The following TMA16 variants were observed in gnomAD, a reference collection of about 807,000 sequenced individuals.
TMA16 encodes translation machinery-associated protein 16.
TMA16 carries 26 observed loss-of-function variants against 27.1 expected under a neutral mutation model. The ratio of observed to expected loss-of-function variants is 0.96; its 90% confidence interval spans 0.70 to 1.33. The LOEUF (loss-of-function observed/expected upper bound fraction) is 1.33. Among genes scored for constraint, TMA16 ranks in the 40% most tolerant of loss-of-function variants. The probability of loss-of-function intolerance (pLI) is 0.00; values close to 1 mark genes in which losing one functional copy is unlikely to be tolerated. For synonymous variants in TMA16, 71 were observed against 81.9 expected (o/e 0.87, Z 0.72); for missense variants, 233 against 241.4 (o/e 0.97, Z 0.23).
chr4:163,512,657 A>C (rs1445292470), intron 2 of TMA16, 165 bp from the exon 3 acceptor site: 2 of 513,852 alleles, frequency 3.9e-6, no homozygotes, highest in Non-Finnish European at 7.1e-6. Flanking sequence ...TCAAAAGAGA[A>C]GCATAGTATT....
chr4:163,495,967 T>C (rs1368382002), intron 1 of TMA16, among the ~76,000 whole-genome samples: 1 of 152,222 alleles, frequency 6.6e-6, no homozygotes, highest in African/African-American at 2.4e-5. Context: ...TTACATCTCA[T>C]TGTGTTTGAG....
In TMA16 at chr4:163,519,671, T is replaced by C. The variant is rs1737940417; in HGVS notation, c.*157T>C. On this transcript the variant is annotated 3_prime_UTR_variant, in exon 7 of 7. Coordinates refer to ENST00000358572, the MANE Select transcript of TMA16 (RefSeq NM_018352.3). The stretch of plus-strand genomic sequence containing the variant: ...TTCAAAAATGGTGTTATGATACTTA[T>C]TTTAAAATGAAGATTGCTTTTCATT... The C allele has an allele frequency of 1.4e-5, 10 of 719,392 alleles. No individual in the cohort carries two copies. Among genetic ancestry groups the C allele is most frequent in the Middle Eastern group, 7.2e-4 (2 of 2,764 alleles). 44.6% of individuals were successfully genotyped at this position (719,392 alleles called of 1,614,324 possible).
At chr4:163,499,722 TTTA>T (rs1301012951) in intron 1 of TMA16, among the ~76,000 whole-genome samples, 2 of 151,738 alleles carry the variant, frequency 1.3e-5, no homozygotes, top group East Asian at 3.8e-4. Context: ...TTTTTAAATT[TTTA>T]TTATTTTTAT....
In TMA16 at chr4:163,506,591, T is replaced by G. The variant is rs1271737272; in HGVS notation, c.4-442T>G. 2.0e-5 allele frequency among the ~76,000 whole-genome samples: 3 copies of G among 152,194 alleles called. No individual in the cohort carries two copies. In the South Asian group the frequency reaches 6.2e-4, roughly 32 times the overall value. On this transcript the variant is annotated intron_variant, in intron 1 of 6. Transcript: ENST00000358572. The stretch of plus-strand genomic sequence containing the variant: ...TACAGGCAATGAGCCCAGCTTTGAT[T>G]TTGCATGATTCATTGCCCGCTTTGT...
intron 1 of TMA16, among the ~76,000 whole-genome samples, chr4:163,506,523 T>G (rs1024331494): frequency 9.2e-5 from 14 of 152,210 alleles, no homozygotes; most frequent in African/African-American, 2.4e-4. Context: ...TTGGATATAC[T>G]AATTTTGAGA....
In TMA16 at chr4:163,515,469, C is replaced by T. The variant is rs145590147; in HGVS notation, c.388+8C>T. ...TTGAGGGATATGGCCTTGGTGTGCTCACTGATTTTTTATTTTCCTTTTATA... is the reference window on the plus strand; with the variant it reads ...TTGAGGGATATGGCCTTGGTGTGCTTACTGATTTTTTATTTTCCTTTTATA... On this transcript the variant is annotated splice_region_variant and intron_variant, in intron 5 of 6. Transcript: ENST00000358572. 8.2e-4 allele frequency: 1,314 copies of T among 1,602,690 alleles called. 3 individuals are homozygous for T. In the African/African-American group the frequency reaches 0.015, roughly 18 times the overall value.
At chr4:163,519,164 T>C (rs1434349819) in intron 6 of TMA16, among the ~76,000 whole-genome samples, 170 bp from the exon 7 acceptor site, 2 of 152,156 alleles carry the variant, frequency 1.3e-5, no homozygotes, top group Non-Finnish European at 2.9e-5. Context: ...TTAGAGAGGA[T>C]GAAAGAATAG....
At chr4:163,506,446 G>A (rs1737719397) in intron 1 of TMA16, among the ~76,000 whole-genome samples, 1 of 152,176 alleles carries the variant, frequency 6.6e-6, no homozygotes, top group Non-Finnish European at 1.5e-5. Flanking sequence ...TAGTTTGGAG[G>A]ACCTAATGAA....
intron 1 of TMA16, among the ~76,000 whole-genome samples, chr4:163,503,831 T>C (rs1384573693): frequency 6.6e-6 from 1 of 152,214 alleles, no homozygotes; most frequent in Non-Finnish European, 1.5e-5. Context: ...ATATGAAAGT[T>C]TTAAAATATA....
In TMA16 at chr4:163,515,612, G is replaced by T. The variant is rs920007316; in HGVS notation, c.388+151G>T. ...TTTGTGAGGGTTTAGAAAAATTTTG[G>T]ATTCTTTTTTTTTCCCCTACATTCC... On this transcript the variant is annotated intron_variant, in intron 5 of 6. Coordinates refer to ENST00000358572, the MANE Select transcript of TMA16 (RefSeq NM_018352.3). The T allele has an allele frequency of 6.0e-6, 6 of 1,000,910 alleles. No homozygotes were observed. In the South Asian group the frequency reaches 9.8e-5, roughly 16 times the overall value. 62.0% of individuals were successfully genotyped at this position (1,000,910 alleles called of 1,614,324 possible).
chr4:163,507,197 ACTTTTAT>A (rs748992089), intron 2 of TMA16, 52 bp downstream of exon 2: 11 of 1,446,172 alleles, frequency 7.6e-6, no homozygotes, highest in Admixed American at 6.4e-5. Flanking sequence ...GCCCCTTTAT[ACTTTTAT>A]CTTTCAAACA....
chr4:163,508,719 G>A (rs1737750906), intron 2 of TMA16, among the ~76,000 whole-genome samples: 1 of 152,190 alleles, frequency 6.6e-6, no homozygotes, highest in African/African-American at 2.4e-5. Context: ...CCAGTGGTAT[G>A]ATATGCAATA....
intron 1 of TMA16, among the ~76,000 whole-genome samples, chr4:163,499,710 G>A (rs1388114348): frequency 6.6e-6 from 1 of 151,366 alleles, no homozygotes; most frequent in African/African-American, 2.4e-5. Flanking sequence ...TGATTATATT[G>A]TTTTTTAAAT....
intron 2 of TMA16, 54 bp downstream of exon 2, chr4:163,507,199 T>C: frequency 7.0e-7 from 1 of 1,429,890 alleles, no homozygotes; most frequent in Admixed American, 2.1e-5. Context: ...CCCTTTATAC[T>C]TTTATCTTTC....
Position 163,519,631 on chromosome 4 carries a change from G to C in TMA16, c.*117G>C. ...ATACTGACATTCTCTTATATGATGA[G>C]AGTTTCATTTGCGTTTCAAAAATGG... On this transcript the variant is annotated 3_prime_UTR_variant, in exon 7 of 7. Transcript: ENST00000358572. The C allele has an allele frequency of 9.8e-7, 1 of 1,018,184 alleles. No individual in the cohort carries two copies. Among genetic ancestry groups the C allele is most frequent in the South Asian group, 1.9e-5 (1 of 53,248 alleles). 63.1% of individuals were successfully genotyped at this position (1,018,184 alleles called of 1,614,324 possible).
intron 5 of TMA16, chr4:163,516,159 C>T (rs1737874325): frequency 6.6e-6 from 1 of 152,230 alleles, no homozygotes; most frequent in Admixed American, 6.5e-5. Flanking sequence ...CAGAGCACAT[C>T]CAAAGTAAAC....
Position 163,512,810 on chromosome 4 carries a change from T to C in TMA16, c.117-12T>C, listed in dbSNP as rs754273940. ...AAATTTTCTAACACATATATTTACC[T>C]TTCCTTCAAAGATTGAAGAATGAAA... On this transcript the variant is annotated splice_polypyrimidine_tract_variant and intron_variant, in intron 2 of 6. Transcript: ENST00000358572. 9.5e-5 allele frequency: 152 copies of C among 1,594,668 alleles called. 2 individuals carry two copies. In the South Asian group the frequency reaches 1.7e-3, roughly 18 times the overall value.
At chr4:163,510,338 A>C (rs556656373) in intron 2 of TMA16, among the ~76,000 whole-genome samples, 1 of 152,310 alleles carries the variant, frequency 6.6e-6, no homozygotes, top group African/African-American at 2.4e-5. Flanking sequence ...TGTAGTATAC[A>C]ATTTCATCTT....
intron 1 of TMA16, among the ~76,000 whole-genome samples, chr4:163,496,758 C>T (rs1162744710): frequency 1.3e-5 from 2 of 151,924 alleles, no homozygotes; most frequent in African/African-American, 4.8e-5. Flanking sequence ...CCACCACACC[C>T]AGCTAATTTT....
Sources: allele counts gnomAD v4.1 joint callset (sites outside exome capture counted in the v4.1 genomes callset), GRCh38; gene constraint gnomAD v4.1.1; transcripts MANE v1.5; gene names NCBI Gene and HGNC (gene_info 2026-07-23, HGNC 2026-07-21).